Variants in NUP160 observed in about 807,000 individuals in gnomAD.
NUP160 encodes nucleoporin 160, also known as nuclear pore complex protein Nup160.
NUP160 carries 94 observed loss-of-function variants against 196.9 expected under a neutral mutation model. The observed-to-expected ratio is 0.48, with a 90% CI of 0.40 to 0.57. The LOEUF (loss-of-function observed/expected upper bound fraction) is 0.57. NUP160 is among the 20% of genes least tolerant of loss of function. NUP160 has a pLI of 0.00. For missense variants in NUP160, 1,638 were observed against 1,748.3 expected (o/e 0.94, Z 1.13); for synonymous variants, 605 against 619.7 (o/e 0.98, Z 0.35).
At chr11:47,782,325 T>A (rs1208248372) in intron 34 of NUP160, among the ~76,000 whole-genome samples, 2,683 of 21,828 alleles carry the variant, frequency 0.12, 599 homozygotes, top group African/African-American at 0.34. Flanking sequence ...TATATATATA[T>A]ATATATATAT....
intron 17 of NUP160, among the ~76,000 whole-genome samples, chr11:47,811,537 C>T (rs1230941078): frequency 6.6e-6 from 1 of 151,770 alleles, no homozygotes; most frequent in Non-Finnish European, 1.5e-5. Context: ...TCTTTTTCTT[C>T]CTCCATACTA....
At chr11:47,820,086 T>C (rs1226086712) in intron 9 of NUP160, 1 of 152,324 alleles carries the variant, frequency 6.6e-6, no homozygotes, top group African/African-American at 2.4e-5. Flanking sequence ...GCTCTAGGGT[T>C]ATCAGGGACC....
rs541238673 is a variant in NUP160, at chr11:47,808,242, T to C, written c.2375+154A>G. Among the ~76,000 whole-genome samples, 25 of 152,228 alleles carry C rather than the reference T, an allele frequency of 1.6e-4. No homozygotes were observed. The South Asian group carries it at 4.8e-3, about 29-fold the overall frequency. On this transcript the variant is annotated intron_variant, in intron 18 of 35. Transcript: ENST00000378460. Reference sequence around the variant, plus strand: ...GTTGCAGTGAGCCGAGATCATGCCATTGCACTCCGGCCTGGGTGAGAGAGA... The same window carrying C: ...GTTGCAGTGAGCCGAGATCATGCCACTGCACTCCGGCCTGGGTGAGAGAGA...
intron 33 of NUP160, among the ~76,000 whole-genome samples, chr11:47,783,978 GT>G (rs1279521122): frequency 2.7e-5 from 4 of 150,120 alleles, no homozygotes; most frequent in African/African-American, 9.8e-5. Flanking sequence ...ACAGGCGTGA[GT>G]CACCGTGCCC....
intron 6 of NUP160, among the ~76,000 whole-genome samples, chr11:47,836,189 A>G (rs1050476009): frequency 3.3e-5 from 5 of 152,186 alleles, no homozygotes; most frequent in Non-Finnish European, 4.4e-5. Context: ...CGGAGGTTGC[A>G]GTGAGGTGAG....
At chr11:47,815,503 T>A (rs1049069957) in exon 13 of NUP160, 42 of 1,607,292 alleles carry the variant, frequency 2.6e-5, no homozygotes, top group Non-Finnish European at 3.3e-5. Context: ...ACACCATGTT[T>A]GTGTGTGGAT....
chr11:47,786,783 TTC>T (rs2097664781), intron 31 of NUP160, among the ~76,000 whole-genome samples: 1 of 152,064 alleles, frequency 6.6e-6, no homozygotes, highest in Non-Finnish European at 1.5e-5. Flanking sequence ...TGATGAAAAA[TTC>T]TTTTTTCTTT....
At chr11:47,844,042 T>C (rs1852355164) in intron 2 of NUP160, among the ~76,000 whole-genome samples, 1 of 152,204 alleles carries the variant, frequency 6.6e-6, no homozygotes, top group African/African-American at 2.4e-5. Context: ...TTCCAATTGC[T>C]CAAGCCAAAA....
chr11:47,809,057 C>T (rs997039753), intron 17 of NUP160, among the ~76,000 whole-genome samples: 31 of 151,310 alleles, frequency 2.0e-4, no homozygotes, highest in Non-Finnish European at 2.7e-4. Flanking sequence ...GCTGAGATCG[C>T]GCCACTGCAC....
chr11:47,794,371 A>G (rs2097669670), intron 27 of NUP160, among the ~76,000 whole-genome samples: 1 of 152,140 alleles, frequency 6.6e-6, no homozygotes, highest in Non-Finnish European at 1.5e-5. Context: ...CAGCCTCAGG[A>G]GGCTGAGGCA....
At chr11:47,848,181 G>A (rs1453211971) in intron 1 of NUP160, 38 bp downstream of exon 1, 4 of 1,606,784 alleles carry the variant, frequency 2.5e-6, no homozygotes, top group East Asian at 2.2e-5. Flanking sequence ...AGCCCGAGGG[G>A]ACAGATGGGA....
chr11:47,810,241 A>C (rs1216718728), intron 17 of NUP160, among the ~76,000 whole-genome samples: 1 of 151,814 alleles, frequency 6.6e-6, no homozygotes, highest in Non-Finnish European at 1.5e-5. Flanking sequence ...TCTGTCATGC[A>C]GGCAGAAGTG....
intron 12 of NUP160, 90 bp from the exon 13 acceptor site, chr11:47,815,739 T>A: frequency 8.7e-7 from 1 of 1,152,612 alleles, no homozygotes; most frequent in Non-Finnish European, 1.2e-6. Context: ...ATCATTATAC[T>A]AAGCTACAGC....
At chr11:47,840,431 T>A in exon 3 of NUP160, 1 of 1,614,206 alleles carries the variant, frequency 6.2e-7, no homozygotes, top group African/African-American at 1.3e-5. Context: ...ACTGTTTGAT[T>A]GGTTAACATC....
At chr11:47,810,167 T>C (rs1361780209) in intron 17 of NUP160, among the ~76,000 whole-genome samples, 2 of 152,134 alleles carry the variant, frequency 1.3e-5, no homozygotes, top group Non-Finnish European at 2.9e-5. Flanking sequence ...ATTTTTCAAC[T>C]TGGTGATCTT....
At chr11:47,813,214 C>T in intron 14 of NUP160, 102 bp downstream of exon 14, 1 of 1,042,018 alleles carries the variant, frequency 9.6e-7, no homozygotes, top group East Asian at 2.4e-5. Context: ...GGTAAAGTGA[C>T]CAAGACAGGT....
intron 13 of NUP160, chr11:47,815,105 C>A (rs2097683600): frequency 6.5e-6 from 1 of 154,712 alleles, no homozygotes; most frequent in Non-Finnish European, 1.4e-5. Flanking sequence ...ATGGTGTACA[C>A]CTGTAGTCCC....
At chr11:47,839,096 G>T (rs1265479093) in intron 4 of NUP160, among the ~76,000 whole-genome samples, 1 of 152,022 alleles carries the variant, frequency 6.6e-6, no homozygotes. Context: ...ACCCAACTTG[G>T]GTTTTTCTTT....
chr11:47,802,495 C>T (rs776204821), intron 22 of NUP160, among the ~76,000 whole-genome samples: 1 of 151,832 alleles, frequency 6.6e-6, no homozygotes, highest in Non-Finnish European at 1.5e-5. Context: ...CATAATAAGG[C>T]AACTGTAGCA....
Sources: allele counts gnomAD v4.1 joint callset (sites outside exome capture counted in the v4.1 genomes callset), GRCh38; gene constraint gnomAD v4.1.1; transcripts MANE v1.5; gene names NCBI Gene and HGNC (gene_info 2026-07-23, HGNC 2026-07-21).